CDKL5: variants seen among roughly 807,000 people sequenced by gnomAD.
The protein encoded by CDKL5 is cyclin dependent kinase like 5, also known as cyclin-dependent kinase-like 5.
In CDKL5, 8 loss-of-function variants were observed where a neutral mutation model predicts 61.7. The observed-to-expected ratio is 0.13, with a 90% CI of 0.08 to 0.23. The LOEUF (loss-of-function observed/expected upper bound fraction) is 0.23. CDKL5 is among the 10% of genes least tolerant of loss of function. The pLI, the probability that CDKL5 is intolerant of heterozygous loss-of-function variation, is 1.00. For missense variants in CDKL5, 440 were observed against 734.5 expected (o/e 0.60, Z 4.63); for synonymous variants, 275 against 272.3 (o/e 1.01, Z -0.10).
chrX:18,455,492 C>T (rs780210590), intron 1 of CDKL5, among the ~76,000 whole-genome samples: 1 of 112,231 alleles, frequency 8.9e-6, no homozygotes, highest in Non-Finnish European at 1.9e-5. Context: ...TAACCATTAG[C>T]CAAAAACATT....
rs752205978 is a variant in CDKL5, at chrX:18,434,335, T to C, written c.-163+8640T>C. Among the ~76,000 whole-genome samples the C allele has an allele frequency of 2.9e-4, 32 of 112,086 alleles. No homozygotes were observed. The South Asian group carries it at 3.0e-3, about 10-fold the overall frequency. On this transcript the variant is annotated intron_variant, in intron 1 of 17. Transcript: ENST00000623535. ...ATTTCTCTATGGAAAGTGACCCTTATATGTACCAGGCAGGTAAATCAATAA... is the reference window on the plus strand; with the variant it reads ...ATTTCTCTATGGAAAGTGACCCTTACATGTACCAGGCAGGTAAATCAATAA...
rs188980756 is a variant in CDKL5, at chrX:18,431,082, C to T, written c.-163+5387C>T. Among the ~76,000 whole-genome samples, 239 of 109,584 alleles carry T rather than the reference C, an allele frequency of 2.2e-3. 2 individuals are homozygous for T. Among genetic ancestry groups the T allele is most frequent in the African/African-American group, 7.4e-3 (224 of 30,092 alleles). Reference sequence around the variant, plus strand: ...TTTCACCATGTTGGCCAAGTGGTCTCGAACTCCTGACCTCAGGTGATCTTC... The same window carrying T: ...TTTCACCATGTTGGCCAAGTGGTCTTGAACTCCTGACCTCAGGTGATCTTC... On this transcript the variant is annotated intron_variant, in intron 1 of 17. Coordinates refer to ENST00000623535, the MANE Select transcript of CDKL5 (RefSeq NM_001323289.2).
intron 1 of CDKL5, among the ~76,000 whole-genome samples, chrX:18,506,405 C>G (rs756981718): frequency 1.8e-5 from 2 of 111,928 alleles, no homozygotes; most frequent in Admixed American, 9.5e-5. Flanking sequence ...TTATATCTGT[C>G]TATACTCCTA....
chrX:18,599,582 T>C (rs911119549), intron 11 of CDKL5, among the ~76,000 whole-genome samples: 7 of 111,103 alleles, frequency 6.3e-5, no homozygotes, highest in African/African-American at 2.3e-4. Context: ...TCCTCCTGAG[T>C]AGCTGGGACT....
intron 1 of CDKL5, among the ~76,000 whole-genome samples, chrX:18,435,566 A>C (rs1357701074): frequency 9.1e-6 from 1 of 109,755 alleles, no homozygotes; most frequent in African/African-American, 3.4e-5. Context: ...GCCCTCAAAA[A>C]ATTAATTAAT....
At chrX:18,480,931 C>G (rs774313884) in intron 1 of CDKL5, among the ~76,000 whole-genome samples, 121 of 104,962 alleles carry the variant, frequency 1.2e-3, no homozygotes, top group African/African-American at 4.2e-3. Context: ...GATCTCCGCT[C>G]ACTGCAACCT....
chrX:18,553,948 G>A (rs948473219), intron 3 of CDKL5, among the ~76,000 whole-genome samples: 3 of 110,877 alleles, frequency 2.7e-5, no homozygotes, highest in Admixed American at 9.6e-5. Context: ...AGTACTCTTA[G>A]CGTACCATTT....
intron 3 of CDKL5, among the ~76,000 whole-genome samples, 169 bp downstream of exon 3, chrX:18,511,023 T>C (rs1344110574): frequency 8.9e-6 from 1 of 111,866 alleles, no homozygotes; most frequent in Admixed American, 9.6e-5. Flanking sequence ...TCCATATATG[T>C]AATGAGATAC....
At chrX:18,506,876 G>T in intron 1 of CDKL5, 59 bp from the exon 2 acceptor site, 1 of 392,104 alleles carries the variant, frequency 2.6e-6, no homozygotes, top group Non-Finnish European at 4.4e-6. Context: ...GGTAAGATTG[G>T]TTACTAGAGT....
intron 14 of CDKL5, among the ~76,000 whole-genome samples, chrX:18,611,825 C>T (rs2063365246): frequency 8.9e-6 from 1 of 111,749 alleles, no homozygotes; most frequent in African/African-American, 3.3e-5. Context: ...CTAGATGAAA[C>T]ATCTGAAGAC....
At chrX:18,452,379 G>T (rs745986523) in intron 1 of CDKL5, among the ~76,000 whole-genome samples, 1 of 111,763 alleles carries the variant, frequency 8.9e-6, no homozygotes, top group South Asian at 3.7e-4. Context: ...CAGGTAGTAA[G>T]TAGTATTAAC....
chrX:18,594,768 T>C (rs1043533434), intron 9 of CDKL5, among the ~76,000 whole-genome samples: 1 of 112,842 alleles, frequency 8.9e-6, no homozygotes, highest in African/African-American at 3.2e-5. Flanking sequence ...GCATAATTAG[T>C]TCAAATTTTT....
At chrX:18,625,065 G>A in intron 16 of CDKL5, 63 bp from the exon 17 acceptor site, 6 of 1,106,456 alleles carry the variant, frequency 5.4e-6, no homozygotes, top group Non-Finnish European at 7.5e-6. Context: ...CTTGGGTGTG[G>A]TTGCATATCT....
At chrX:18,533,833 C>T (rs1036006878) in intron 3 of CDKL5, among the ~76,000 whole-genome samples, 26 of 111,770 alleles carry the variant, frequency 2.3e-4, no homozygotes, top group African/African-American at 8.2e-4. Flanking sequence ...TTTTTGTCAC[C>T]ACCAAAACTC....
chrX:18,647,106 G>A (rs754542645), intron 20 of CDKL5: 86 of 1,053,994 alleles, frequency 8.2e-5, no homozygotes, highest in African/African-American at 2.4e-4. Flanking sequence ...TAGTAGAGAC[G>A]GGGTTTCACT....
rs918746611 is a variant in CDKL5 at position 18,636,567 on chromosome X, G to A, written c.*7810G>A. The A allele has an allele frequency of 9.1e-6, 1 of 110,458 alleles. No homozygotes were observed. Among genetic ancestry groups the A allele is most frequent in the African/African-American group, 3.3e-5 (1 of 30,380 alleles). The allele number at this position is 110,458 out of a possible 1,213,427, so 9.1% of individuals were successfully genotyped here. ...CCCTTAAAAGTCACTGCACGTCCAC[G>A]TATGGTAATGTGGTCACAATCAGTA... is the stretch of plus-strand genomic sequence containing the variant. On this transcript the variant is annotated 3_prime_UTR_variant, in exon 18 of 18. Coordinates refer to ENST00000623535, the MANE Select transcript of CDKL5 (RefSeq NM_001323289.2).
intron 3 of CDKL5, among the ~76,000 whole-genome samples, chrX:18,545,746 C>T (rs993872459): frequency 7.1e-5 from 8 of 112,108 alleles, no homozygotes; most frequent in African/African-American, 2.0e-4. Context: ...TAATGTATCT[C>T]TCCATTAATT....
At chrX:18,488,119 T>C (rs745491274) in intron 1 of CDKL5, among the ~76,000 whole-genome samples, 2 of 111,158 alleles carry the variant, frequency 1.8e-5, no homozygotes, top group South Asian at 7.8e-4. Context: ...AAAGTACCTC[T>C]TGAAGGTACT....
chrX:18,494,243 T>TTTTC (rs757871751), intron 1 of CDKL5, among the ~76,000 whole-genome samples: 3 of 110,102 alleles, frequency 2.7e-5, no homozygotes, highest in South Asian at 7.8e-4. Context: ...CTGTTTTTCT[T>TTTTC]TTTCTTTCTT....
Sources: allele counts gnomAD v4.1 joint callset (sites outside exome capture counted in the v4.1 genomes callset), GRCh38; gene constraint gnomAD v4.1.1; transcripts MANE v1.5; gene names NCBI Gene and HGNC (gene_info 2026-07-23, HGNC 2026-07-21).